SGK1: variants seen among roughly 807,000 people sequenced by gnomAD.
SGK1 encodes serum/glucocorticoid regulated kinase 1.
Under a neutral mutation model 64.2 loss-of-function variants are expected in SGK1, and 26 were observed. The observed-to-expected ratio is 0.40, with a 90% confidence interval of 0.30 to 0.56. The LOEUF (loss-of-function observed/expected upper bound fraction) is 0.56, where lower values mean the gene tolerates loss of function less well. Among genes scored for constraint, SGK1 ranks in the 20% least tolerant of loss-of-function variants. SGK1 has a pLI of 0.38. For synonymous variants in SGK1, 265 were observed against 239.7 expected (o/e 1.11, Z -0.98); for missense variants, 519 against 645.6 (o/e 0.80, Z 2.12).
At chr6:134,206,381 ATATTTTTTTT>A (rs1775784200) in intron 3 of SGK1, among the ~76,000 whole-genome samples, 1 of 5,582 alleles carries the variant, frequency 1.8e-4, no homozygotes, top group African/African-American at 5.2e-4. Flanking sequence ...ATATATATAT[ATATTTTTTTT>A]TTTTTTTTTT....
chr6:134,193,933 C>A lies in SGK1; in HGVS notation c.361+13423G>T, dbSNP rs1562246626. 4.0e-5 allele frequency among the ~76,000 whole-genome samples: 6 copies of A among 151,466 alleles called. No homozygotes were observed. The South Asian group carries it at 8.3e-4, about 21-fold the overall frequency. On this transcript the variant is annotated intron_variant, in intron 3 of 13. Transcript: ENST00000367858. ...GGTAGACAACCCAAGCTTATCCTGG[C>A]AGCTCAGGGAACAAGGTGACACCAA...
chr6:134,220,046 G>A (rs1776060275), intron 2 of SGK1, among the ~76,000 whole-genome samples: 2 of 77,004 alleles, frequency 2.6e-5, no homozygotes, highest in South Asian at 5.3e-4. Context: ...GCGACAGAGC[G>A]AGACTCCGTC....
At chr6:134,234,692 C>T (rs943968626) in intron 2 of SGK1, among the ~76,000 whole-genome samples, 5 of 152,084 alleles carry the variant, frequency 3.3e-5, no homozygotes, top group East Asian at 1.9e-4. Context: ...GTCTGGCCAA[C>T]ATGGTGAAAC....
At chr6:134,297,611 T>C in intron 1 of SGK1, 1 of 465,758 alleles carries the variant, frequency 2.1e-6, no homozygotes, top group East Asian at 5.6e-5. Context: ...CAAGGGATTC[T>C]CCTGCCTCAG....
At chr6:134,265,610 A>T (rs1263875839) in intron 1 of SGK1, among the ~76,000 whole-genome samples, 1 of 132,590 alleles carries the variant, frequency 7.5e-6, no homozygotes, top group Admixed American at 8.0e-5. Flanking sequence ...TATATATTTT[A>T]TATATATACA....
intron 1 of SGK1, among the ~76,000 whole-genome samples, chr6:134,291,010 G>A (rs571768301): frequency 2.0e-5 from 3 of 152,324 alleles, no homozygotes; most frequent in African/African-American, 7.2e-5. Flanking sequence ...AGGAAAGGTT[G>A]CTTGAGGGCT....
intron 3 of SGK1, among the ~76,000 whole-genome samples, chr6:134,177,048 T>C (rs1775251820): frequency 6.6e-6 from 1 of 152,130 alleles, no homozygotes; most frequent in African/African-American, 2.4e-5. Context: ...ACCCCGTCTC[T>C]ACTGAAAATA....
intron 1 of SGK1, among the ~76,000 whole-genome samples, chr6:134,277,980 C>T (rs1484018190): frequency 6.6e-6 from 1 of 152,184 alleles, no homozygotes; most frequent in African/African-American, 2.4e-5. Context: ...CCAGTTCTAG[C>T]TTCGTAACTA....
At chr6:134,292,915 T>TA (rs1396678449) in intron 1 of SGK1, among the ~76,000 whole-genome samples, 1 of 152,048 alleles carries the variant, frequency 6.6e-6, no homozygotes, top group Non-Finnish European at 1.5e-5. Context: ...CTTGACAGAA[T>TA]AAAAAAAGAC....
intron 1 of SGK1, among the ~76,000 whole-genome samples, chr6:134,267,789 C>G (rs1256002686): frequency 6.6e-6 from 1 of 152,088 alleles, no homozygotes; most frequent in Non-Finnish European, 1.5e-5. Flanking sequence ...AGAAATACTC[C>G]CTTTCTCCAG....
chr6:134,290,295 G>A lies in SGK1; in HGVS notation c.69+27097C>T, dbSNP rs188622724. On this transcript the variant is annotated intron_variant, in intron 1 of 13. Transcript: ENST00000367858. Reference sequence around the variant, plus strand: ...GCTATGATCTTGCCACTACACTCCAGCCTGAGTGACACAGCAAGACCCTGC... The same window carrying A: ...GCTATGATCTTGCCACTACACTCCAACCTGAGTGACACAGCAAGACCCTGC... Among the ~76,000 whole-genome samples, 4 of 151,178 alleles carry A rather than the reference G, an allele frequency of 2.6e-5. No individual in the cohort carries two copies. In the Admixed American group the frequency reaches 2.7e-4, roughly 10 times the overall value.
chr6:134,190,274 C>T (rs187501496), intron 3 of SGK1, among the ~76,000 whole-genome samples: 1 of 149,120 alleles, frequency 6.7e-6, no homozygotes, highest in Non-Finnish European at 1.5e-5. Flanking sequence ...ATACATAGTT[C>T]CTTCCTTCCT....
At chr6:134,277,570 G>T (rs1184213613) in intron 1 of SGK1, among the ~76,000 whole-genome samples, 1 of 152,038 alleles carries the variant, frequency 6.6e-6, no homozygotes, top group Admixed American at 6.6e-5. Flanking sequence ...ATGGGAGGAG[G>T]TATCACTATA....
At chr6:134,231,760 C>A (rs1483082733) in intron 2 of SGK1, among the ~76,000 whole-genome samples, 2 of 152,130 alleles carry the variant, frequency 1.3e-5, no homozygotes. Context: ...GTATGGAAGG[C>A]CAGGTGTGGT....
intron 1 of SGK1, among the ~76,000 whole-genome samples, chr6:134,267,335 T>C (rs1776869928): frequency 6.6e-6 from 1 of 152,160 alleles, no homozygotes; most frequent in African/African-American, 2.4e-5. Flanking sequence ...TCTCACTCTA[T>C]TCCCTTTGTT....
At chr6:134,244,092 A>G (rs934326560) in intron 2 of SGK1, among the ~76,000 whole-genome samples, 4 of 152,090 alleles carry the variant, frequency 2.6e-5, no homozygotes, top group Non-Finnish European at 5.9e-5. Context: ...CCCATCATCT[A>G]CATTAGGTAT....
At chr6:134,306,103 T>C (rs574125314) in intron 1 of SGK1, among the ~76,000 whole-genome samples, 1 of 152,094 alleles carries the variant, frequency 6.6e-6, no homozygotes, top group Non-Finnish European at 1.5e-5. Flanking sequence ...CAATATGCAA[T>C]TGCAAACTGA....
chr6:134,246,321 G>GTA (rs1374531752), intron 2 of SGK1, among the ~76,000 whole-genome samples: 2 of 140,830 alleles, frequency 1.4e-5, no homozygotes, highest in East Asian at 4.4e-4. Flanking sequence ...GCTAATTTTT[G>GTA]TATTTTTTTT....
intron 2 of SGK1, among the ~76,000 whole-genome samples, chr6:134,255,328 T>C (rs1776665876): frequency 6.6e-6 from 1 of 152,158 alleles, no homozygotes; most frequent in Admixed American, 6.6e-5. Flanking sequence ...ATCTCAGTTA[T>C]CACATAAGCA....
Sources: gnomAD v4.1 joint callset for allele counts (sites outside exome capture counted in the v4.1 genomes callset) on GRCh38, gnomAD v4.1.1 for gene constraint, MANE v1.5 for transcripts, NCBI Gene and HGNC (gene_info 2026-07-23, HGNC 2026-07-21) for gene names.